MAP3K1: variants seen among roughly 807,000 people sequenced by gnomAD.
MAP3K1 encodes the protein MAP/ERK kinase kinase 1.
MAP3K1 carries 36 observed loss-of-function variants against 144.2 expected under a neutral mutation model. The observed-to-expected ratio is 0.25, with a 90% CI of 0.19 to 0.33. MAP3K1 has a LOEUF of 0.33. Ranked by LOEUF, MAP3K1 falls within the 10% of genes least tolerant of loss-of-function variation. The pLI is 1.00. For missense variants in MAP3K1, 1,650 were observed against 1,881.9 expected (o/e 0.88, Z 2.28); for synonymous variants, 718 against 688.7 (o/e 1.04, Z -0.67).
At chr5:56,869,179 G>A (rs866218177) in intron 6 of MAP3K1, among the ~76,000 whole-genome samples, 2 of 152,158 alleles carry the variant, frequency 1.3e-5, no homozygotes, top group South Asian at 2.1e-4. Flanking sequence ...GCTGAGGCAG[G>A]AGGATCTCTT....
chr5:56,860,353 G>A (rs1747469047), intron 3 of MAP3K1, among the ~76,000 whole-genome samples: 2 of 152,050 alleles, frequency 1.3e-5, no homozygotes, highest in Admixed American at 1.3e-4. Flanking sequence ...TGATGAAATG[G>A]GATGCATGCA....
chr5:56,873,349 T>G (rs1747918171), intron 9 of MAP3K1, among the ~76,000 whole-genome samples: 1 of 152,228 alleles, frequency 6.6e-6, no homozygotes, highest in Admixed American at 6.5e-5. Flanking sequence ...GCCAAGAATT[T>G]TTATCATGTT....
At position 56,872,858 on chromosome 5, in the gene MAP3K1, T is replaced by G. The variant is rs1018891991; in HGVS notation, c.1539T>G (p.Ser513=). Residue 513 remains serine (S), a synonymous_variant, in exon 9 of 20, where the codon TCT becomes TCG. Coordinates refer to ENST00000399503, the MANE Select transcript of MAP3K1 (RefSeq NM_005921.2). ...HELSSPVDSP[S]SLRAAQQQTV... is the part of the protein sequence containing the mutation. The stretch of plus-strand genomic sequence containing the variant: ...TGTCAAGTCCTGTGGATTCCCCTTC[T>G]TCCCTCAGAGCTGCACAGCAGCAAA... The G allele has an allele frequency of 1.9e-6, 3 of 1,614,084 alleles. No homozygotes were observed. Among genetic ancestry groups the G allele is most frequent in the African/African-American group, 2.7e-5 (2 of 74,944 alleles).
chr5:56,883,801 T>TA (rs1748297802), intron 15 of MAP3K1, 122 bp downstream of exon 15: 1 of 1,057,982 alleles, frequency 9.5e-7, no homozygotes, highest in Admixed American at 1.8e-5. Flanking sequence ...TTGAGAAACT[T>TA]AGTTTCAAAG....
At chr5:56,870,614 AACAAAT>A (rs1285885757) in intron 6 of MAP3K1, among the ~76,000 whole-genome samples, 3 of 152,194 alleles carry the variant, frequency 2.0e-5, no homozygotes, top group Non-Finnish European at 4.4e-5. Flanking sequence ...ACTGTTTTTA[AACAAAT>A]ACAAAGTCAT....
rs1349915548 is a variant in MAP3K1 at position 56,894,345 on chromosome 5, GA to G, written c.*668del. The stretch of plus-strand genomic sequence containing the variant: ...TTACATTCATTTTTGTTTATTCAGG[GA>G]AAGCTGATCTTTTTTTCAAACCAGA... On this transcript the variant is annotated 3_prime_UTR_variant, in exon 20 of 20. Transcript: ENST00000399503. The G allele has an allele frequency of 6.0e-5, 14 of 231,624 alleles. No homozygotes were observed. Among genetic ancestry groups the G allele is most frequent in the Admixed American group, 5.7e-5 (1 of 17,680 alleles). The allele number at this position is 231,624 out of a possible 1,614,324, so 14.3% of individuals were successfully genotyped here.
intron 12 of MAP3K1, 138 bp from the exon 13 acceptor site, chr5:56,880,945 A>G: frequency 9.6e-7 from 1 of 1,042,176 alleles, no homozygotes. Flanking sequence ...ACAGTTAGAA[A>G]TGTGAATTAC....
chr5:56,861,906 G>C (rs928177706), intron 3 of MAP3K1, among the ~76,000 whole-genome samples: 6 of 151,956 alleles, frequency 3.9e-5, no homozygotes, highest in Non-Finnish European at 7.4e-5. Flanking sequence ...TTTTTTTTAA[G>C]ATCTGGAGTT....
At chr5:56,817,000 C>CA in intron 1 of MAP3K1, 1 of 896,198 alleles carries the variant, frequency 1.1e-6, no homozygotes, top group Non-Finnish European at 1.3e-6. Context: ...GGCGCGGGTG[C>CA]AGTGCTTCCT....
intron 1 of MAP3K1, among the ~76,000 whole-genome samples, chr5:56,816,722 G>C (rs1186542162): frequency 6.6e-6 from 1 of 152,220 alleles, no homozygotes; most frequent in Non-Finnish European, 1.5e-5. Flanking sequence ...AAGCCGTGCG[G>C]CGGGAGGCTG....
intron 1 of MAP3K1, among the ~76,000 whole-genome samples, chr5:56,838,445 T>A (rs1288468121): frequency 6.6e-6 from 1 of 152,260 alleles, no homozygotes; most frequent in African/African-American, 2.4e-5. Flanking sequence ...GAAAAGAAAT[T>A]GGCATATTTA....
At chr5:56,826,563 A>G (rs1746321442) in intron 1 of MAP3K1, among the ~76,000 whole-genome samples, 1 of 152,242 alleles carries the variant, frequency 6.6e-6, no homozygotes, top group Non-Finnish European at 1.5e-5. Context: ...AGGTCAGACA[A>G]CAGATGTGCT....
chr5:56,838,192 A>G (rs892935404), intron 1 of MAP3K1, among the ~76,000 whole-genome samples: 2 of 151,846 alleles, frequency 1.3e-5, no homozygotes, highest in Non-Finnish European at 2.9e-5. Context: ...GAATATTCAT[A>G]TGCATGCCTA....
Position 56,822,655 on chromosome 5 carries a change from A to G in MAP3K1, c.482+6600A>G, listed in dbSNP as rs563296879. On this transcript the variant is annotated intron_variant, in intron 1 of 19. Coordinates refer to ENST00000399503, the MANE Select transcript of MAP3K1 (RefSeq NM_005921.2). ...ATTCTGTCTTGTCGATCCCCACCCC[A>G]GTCTTATTAATGCCCTTAGATCAGT... is the stretch of plus-strand genomic sequence containing the variant. Among the ~76,000 whole-genome samples the G allele has an allele frequency of 1.7e-3, 258 of 152,214 alleles. 1 individual carries two copies. Among genetic ancestry groups the G allele is most frequent in the Admixed American group, 2.6e-3 (40 of 15,298 alleles).
At chr5:56,836,702 G>T (rs1405017184) in intron 1 of MAP3K1, among the ~76,000 whole-genome samples, 1 of 152,118 alleles carries the variant, frequency 6.6e-6, no homozygotes, top group Non-Finnish European at 1.5e-5. Flanking sequence ...TGGCAGAGTT[G>T]TTGAGAACAG....
chr5:56,858,618 T>C (rs988000548), intron 2 of MAP3K1, among the ~76,000 whole-genome samples: 4 of 152,164 alleles, frequency 2.6e-5, no homozygotes, highest in Non-Finnish European at 4.4e-5. Flanking sequence ...AAAGGGTAAA[T>C]ATCTCCAAAT....
chr5:56,864,999 A>G (rs1747634179), intron 4 of MAP3K1, 65 bp downstream of exon 4: 2 of 1,384,816 alleles, frequency 1.4e-6, no homozygotes, highest in East Asian at 2.3e-5. Flanking sequence ...AAATTTATAT[A>G]CTATAATGTT....
At chr5:56,852,922 T>C (rs1412061105) in intron 1 of MAP3K1, among the ~76,000 whole-genome samples, 3 of 152,120 alleles carry the variant, frequency 2.0e-5, no homozygotes, top group African/African-American at 7.2e-5. Context: ...CACACACTCA[T>C]CTAGTAAAAA....
chr5:56,846,789 G>A (rs963019905), intron 1 of MAP3K1, among the ~76,000 whole-genome samples: 2 of 152,184 alleles, frequency 1.3e-5, no homozygotes, highest in Admixed American at 6.5e-5. Flanking sequence ...TTAACAAAGT[G>A]TACATATTTA....
Sources: allele counts gnomAD v4.1 joint callset (sites outside exome capture counted in the v4.1 genomes callset), GRCh38; gene constraint gnomAD v4.1.1; transcripts MANE v1.5; gene names NCBI Gene and HGNC (gene_info 2026-07-23, HGNC 2026-07-21).